Variants in DNAH14 observed in about 807,000 individuals in gnomAD.
The protein encoded by DNAH14 is dynein axonemal heavy chain 14.
DNAH14 carries 478 observed loss-of-function variants against 520.9 expected under a neutral mutation model. The ratio of observed to expected loss-of-function variants is 0.92; its 90% CI spans 0.85 to 0.99. The LOEUF (loss-of-function observed/expected upper bound fraction) is 0.99. DNAH14 is among the 50% of genes least tolerant of loss of function. DNAH14 has a pLI of 0.00. For synonymous variants in DNAH14, 1,581 were observed against 1,757.2 expected, an observed-to-expected ratio of 0.90 and a Z score of 2.51; for missense variants, 4,831 against 5,234.5, an observed-to-expected ratio of 0.92 and a Z score of 2.38.
chr1:225,399,035 A>ATTT lies in DNAH14; in HGVS notation c.13639-7_13639-5dup. On this transcript the variant is annotated intron_variant, in intron 85 of 85. Transcript: ENST00000682510. Reference sequence around the variant, plus strand: ...TTGAACTATGCAATTTGACTACTGGATTTTTTTTTTTTTTAAAGATTTCTA... The same window carrying ATTT: ...TTGAACTATGCAATTTGACTACTGGATTTTTTTTTTTTTTTTTAAAGATTTCTA... 8 of 1,149,488 alleles carry ATTT rather than the reference A, an allele frequency of 7.0e-6. No individual in the cohort carries two copies. The highest frequency in any genetic ancestry group is 1.5e-5 in the South Asian group (1 of 65,954). 71.2% of individuals were successfully genotyped at this position (1,149,488 alleles called of 1,614,324 possible).
intron 34 of DNAH14, among the ~76,000 whole-genome samples, chr1:225,154,389 G>A (rs1213998004): frequency 6.6e-6 from 1 of 151,924 alleles, no homozygotes; most frequent in African/African-American, 2.4e-5. Context: ...AAGTTCACAT[G>A]GAAAAATGAG....
intron 7 of DNAH14, among the ~76,000 whole-genome samples, chr1:224,972,843 A>T (rs562037035): frequency 6.6e-6 from 1 of 152,300 alleles, no homozygotes; most frequent in East Asian, 1.9e-4. Flanking sequence ...GAAAAATGAG[A>T]TAAAGATGAA....
At chr1:225,218,391 T>A (rs1391528866) in intron 41 of DNAH14, among the ~76,000 whole-genome samples, 2 of 151,826 alleles carry the variant, frequency 1.3e-5, no homozygotes, top group Non-Finnish European at 2.9e-5. Context: ...GACCCATCAG[T>A]GTGCTGTATT....
intron 79 of DNAH14, among the ~76,000 whole-genome samples, chr1:225,378,090 C>A (rs1240537637): frequency 6.6e-6 from 1 of 151,972 alleles, no homozygotes; most frequent in Non-Finnish European, 1.5e-5. Context: ...CAATCTAACA[C>A]AAGGTATTAC....
chr1:225,203,784 G>A (rs2087172371), intron 38 of DNAH14, among the ~76,000 whole-genome samples: 1 of 152,060 alleles, frequency 6.6e-6, no homozygotes, highest in South Asian at 2.1e-4. Flanking sequence ...ACAAACTGCA[G>A]GTAATTCTAT....
chr1:225,192,968 T>C, intron 38 of DNAH14, 57 bp downstream of exon 38: 1 of 1,317,424 alleles, frequency 7.6e-7, no homozygotes, highest in Non-Finnish European at 1.0e-6. Flanking sequence ...ATTTAATTGC[T>C]TATCCAAAGA....
Position 225,381,416 on chromosome 1 carries a change from C to A in DNAH14, c.12914C>A (p.Thr4305Asn), listed in dbSNP as rs767354185. The A allele has an allele frequency of 9.9e-5, 153 of 1,549,984 alleles. No homozygotes were observed. Among genetic ancestry groups the A allele is most frequent in the Non-Finnish European group, 1.3e-4 (149 of 1,146,752 alleles). ...HDPLIHCVLL[T>N]FLKQEIKRFD... is the part of the protein sequence containing the mutation. ...CCCCTTATCCATTGTGTCTTGCTAACCTTTTTGAAGCAAGAAATTAAACGA... is the reference window on the plus strand; with the variant it reads ...CCCCTTATCCATTGTGTCTTGCTAAACTTTTTGAAGCAAGAAATTAAACGA... The change falls in exon 81 of 86, where the codon ACC becomes AAC. Residue 4305 changes from threonine (T) to asparagine (N), a missense_variant. By Grantham distance (65) the Thr-to-Asn change is moderately conservative. Coordinates refer to ENST00000682510, the MANE Select transcript of DNAH14 (RefSeq NM_001367479.1).
intron 34 of DNAH14, among the ~76,000 whole-genome samples, chr1:225,157,543 C>G (rs566878477): frequency 6.6e-6 from 1 of 152,052 alleles, no homozygotes; most frequent in Non-Finnish European, 1.5e-5. Context: ...TTACCTTTGT[C>G]CAATAACAGA....
chr1:225,144,455 G>A lies in DNAH14; in HGVS notation c.4567G>A (p.Ala1523Thr), dbSNP rs1356012098. The change falls in exon 29 of 86, where the codon GCC becomes ACC. Residue 1523 changes from alanine (A) to threonine (T), a missense_variant. Physicochemically the swap from Ala to Thr is moderately conservative, Grantham distance 58. Transcript: ENST00000682510. ...GTTGTGCTATGTGTCTCAAGGAAAT[G>A]CCAGCTTTACTTATGGCTATGAGTA... ...QKLCYVSQGN[A>T]SFTYGYEYLG... The A allele has an allele frequency of 1.1e-5, 17 of 1,551,492 alleles. No homozygotes were observed. Among genetic ancestry groups the A allele is most frequent in the Admixed American group, 2.0e-5 (1 of 50,968 alleles).
chr1:225,099,509 A>C (rs2075270357), intron 22 of DNAH14, among the ~76,000 whole-genome samples: 1 of 152,108 alleles, frequency 6.6e-6, no homozygotes, highest in Non-Finnish European at 1.5e-5. Context: ...GGATATTGTT[A>C]AACATTCTAC....
At chr1:224,956,997 A>G (rs1329534127) in intron 3 of DNAH14, among the ~76,000 whole-genome samples, 1 of 152,150 alleles carries the variant, frequency 6.6e-6, no homozygotes, top group Non-Finnish European at 1.5e-5. Context: ...TTTTGTCATT[A>G]TACTTTGAAG....
chr1:225,066,307 T>C (rs2070878361), intron 17 of DNAH14, among the ~76,000 whole-genome samples: 1 of 152,070 alleles, frequency 6.6e-6, no homozygotes, highest in Non-Finnish European at 1.5e-5. Flanking sequence ...TGTGAATTGT[T>C]TCCTTTGGTT....
intron 31 of DNAH14, among the ~76,000 whole-genome samples, chr1:225,148,396 CTTTTTTTTTTTTTT>C (rs560233312): frequency 9.4e-4 from 91 of 96,636 alleles, no homozygotes; most frequent in African/African-American, 4.3e-3. Flanking sequence ...TAATGTTGAG[CTTTTTTTTTTTTTT>C]TTTTTTTTTG....
intron 84 of DNAH14, 86 bp from the exon 85 acceptor site, chr1:225,398,434 G>A: frequency 6.8e-7 from 1 of 1,466,176 alleles, no homozygotes; most frequent in Non-Finnish European, 9.2e-7. Flanking sequence ...AGCCCCTCTG[G>A]ATCGGTCGGC....
intron 3 of DNAH14, 48 bp from the exon 4 acceptor site, chr1:224,960,105 A>T (rs938151925): frequency 6.7e-7 from 1 of 1,490,784 alleles, no homozygotes; most frequent in East Asian, 2.3e-5. Flanking sequence ...CTATGGTATT[A>T]TTTACAGCTC....
chr1:225,367,792 A>T lies in DNAH14; in HGVS notation c.12091-13A>T. On this transcript the variant is annotated splice_polypyrimidine_tract_variant and intron_variant, in intron 76 of 85. Transcript: ENST00000682510. ...TGTCCTCACATGCCATTTTACTCAC[A>T]TCTGTTTTCAAGATTGCCGTGGAAT... is the stretch of plus-strand genomic sequence containing the variant. The T allele has an allele frequency of 6.5e-7, 1 of 1,543,672 alleles. No individual in the cohort carries two copies. Among genetic ancestry groups the T allele is most frequent in the Non-Finnish European group, 8.8e-7 (1 of 1,140,022 alleles).
intron 8 of DNAH14, among the ~76,000 whole-genome samples, chr1:224,985,827 C>T (rs1207740170): frequency 6.6e-6 from 1 of 151,346 alleles, no homozygotes. Context: ...AATTGGTGAG[C>T]TTGAAGACAG....
intron 10 of DNAH14, among the ~76,000 whole-genome samples, chr1:225,009,405 A>T (rs1398703036): frequency 6.6e-6 from 1 of 152,162 alleles, no homozygotes; most frequent in East Asian, 1.9e-4. Context: ...TTCAAAGATC[A>T]GATGGTTGTA....
At chr1:224,970,234 C>T (rs184336526) in intron 7 of DNAH14, among the ~76,000 whole-genome samples, 388 of 152,254 alleles carry the variant, frequency 2.5e-3, no homozygotes, top group African/African-American at 8.7e-3. Flanking sequence ...AAGCCCCAGT[C>T]CCGTAACGCT....
Sources: allele counts gnomAD v4.1 joint callset (sites outside exome capture counted in the v4.1 genomes callset), GRCh38; gene constraint gnomAD v4.1.1; transcripts MANE v1.5; gene names NCBI Gene and HGNC (gene_info 2026-07-23, HGNC 2026-07-21).